NDUFAF2: variants seen among roughly 807,000 people sequenced by gnomAD.
NDUFAF2 encodes the protein NADH:ubiquinone oxidoreductase complex assembly factor 2.
Under a neutral mutation model 22.8 loss-of-function variants are expected in NDUFAF2, and 13 were observed. That is an observed-to-expected ratio of 0.57 (90% confidence interval 0.37 to 0.91). The LOEUF (loss-of-function observed/expected upper bound fraction) is 0.91. Among genes scored for constraint, NDUFAF2 ranks in the 40% least tolerant of loss-of-function variants. NDUFAF2 has a pLI of 0.01. For missense variants in NDUFAF2, 162 were observed against 195.2 expected, an observed-to-expected ratio of 0.83 and a Z score of 1.01; for synonymous variants, 53 against 64.2, an observed-to-expected ratio of 0.83 and a Z score of 0.84.
chr5:61,090,860 C>T (rs1168283490), intron 2 of NDUFAF2, among the ~76,000 whole-genome samples: 2 of 152,026 alleles, frequency 1.3e-5, no homozygotes, highest in African/African-American at 4.8e-5. Context: ...CTCCAATAGG[C>T]TTCAGTGTGT....
intron 2 of NDUFAF2, among the ~76,000 whole-genome samples, chr5:61,093,327 G>A (rs906363559): frequency 2.0e-5 from 3 of 152,112 alleles, no homozygotes; most frequent in Non-Finnish European, 4.4e-5. Context: ...CAATCACGCT[G>A]ACACTGAATA....
rs117091928 is a variant in NDUFAF2 at position 60,988,820 on chromosome 5, T to A, written c.127+43438T>A. Among the ~76,000 whole-genome samples, 3 of 152,108 alleles carry A rather than the reference T, an allele frequency of 2.0e-5. No individual in the cohort carries two copies. The East Asian group carries it at 5.8e-4, about 29-fold the overall frequency. On this transcript the variant is annotated intron_variant, in intron 1 of 3. Transcript: ENST00000296597. ...GTAAATGCAAAATCTAAAACTATAA[T>A]ACCCTGGAAGATGACCTAGGCAATA... is the stretch of plus-strand genomic sequence containing the variant.
At chr5:60,966,705 C>T (rs781571246) in intron 1 of NDUFAF2, among the ~76,000 whole-genome samples, 2 of 152,026 alleles carry the variant, frequency 1.3e-5, no homozygotes, top group Admixed American at 6.5e-5. Flanking sequence ...TATTCTGTCC[C>T]AGTGGTCTTT....
intron 1 of NDUFAF2, among the ~76,000 whole-genome samples, chr5:60,995,946 CTA>C (rs2112588115): frequency 6.6e-6 from 1 of 152,308 alleles, no homozygotes; most frequent in East Asian, 1.9e-4. Flanking sequence ...CAAGGAAGTA[CTA>C]CAAGACTACC....
At chr5:61,102,681 CATT>C (rs2111772300) in intron 3 of NDUFAF2, among the ~76,000 whole-genome samples, 1 of 152,036 alleles carries the variant, frequency 6.6e-6, no homozygotes, top group Non-Finnish European at 1.5e-5. Flanking sequence ...TTCTAATGCT[CATT>C]ATAAGAGAAC....
chr5:61,075,227 C>G (rs1042881555), intron 2 of NDUFAF2, among the ~76,000 whole-genome samples: 1 of 152,058 alleles, frequency 6.6e-6, no homozygotes, highest in African/African-American at 2.4e-5. Flanking sequence ...TAGCATGATA[C>G]CTTACATGTG....
chr5:60,957,866 T>C (rs1408367158), intron 1 of NDUFAF2, among the ~76,000 whole-genome samples: 1 of 152,172 alleles, frequency 6.6e-6, no homozygotes, highest in African/African-American at 2.4e-5. Flanking sequence ...GTTCTTTTGG[T>C]GTTTTCTTTT....
intron 1 of NDUFAF2, among the ~76,000 whole-genome samples, chr5:61,028,333 G>A (rs1751680171): frequency 6.6e-6 from 1 of 151,998 alleles, no homozygotes; most frequent in Non-Finnish European, 1.5e-5. Context: ...TTAGAAGTCT[G>A]AAATGATGCT....
chr5:61,099,580 A>G (rs1752681900), intron 3 of NDUFAF2, among the ~76,000 whole-genome samples: 1 of 151,568 alleles, frequency 6.6e-6, no homozygotes, highest in Admixed American at 6.6e-5. Context: ...TCAGTGATAA[A>G]CAATAAAAAA....
At chr5:61,067,344 G>T (rs932371089) in intron 1 of NDUFAF2, among the ~76,000 whole-genome samples, 1 of 140,676 alleles carries the variant, frequency 7.1e-6, no homozygotes, top group African/African-American at 2.7e-5. Flanking sequence ...AGTGTGTGGT[G>T]TTCCCCTTCC....
At chr5:61,028,598 T>C (rs953893299) in intron 1 of NDUFAF2, among the ~76,000 whole-genome samples, 4 of 152,136 alleles carry the variant, frequency 2.6e-5, no homozygotes, top group African/African-American at 9.6e-5. Flanking sequence ...CTTTGATTAA[T>C]GTATTGATGA....
intron 2 of NDUFAF2, among the ~76,000 whole-genome samples, chr5:61,084,869 G>A (rs562920250): frequency 6.6e-5 from 10 of 152,140 alleles, no homozygotes; most frequent in Non-Finnish European, 1.2e-4. Context: ...ACAAAAAGCA[G>A]AAGTTGTCAG....
At chr5:61,042,630 C>T (rs527855667) in intron 1 of NDUFAF2, among the ~76,000 whole-genome samples, 27 of 152,136 alleles carry the variant, frequency 1.8e-4, no homozygotes, top group Non-Finnish European at 3.1e-4. Flanking sequence ...TATTCTTGAA[C>T]CATGTGAATA....
intron 3 of NDUFAF2, among the ~76,000 whole-genome samples, chr5:61,106,683 C>A (rs1413330370): frequency 2.7e-5 from 4 of 150,842 alleles, no homozygotes; most frequent in East Asian, 1.9e-4. Flanking sequence ...CATTCCCACC[C>A]CCCCTAACAC....
At chr5:61,056,632 A>G (rs1434675869) in intron 1 of NDUFAF2, among the ~76,000 whole-genome samples, 1 of 151,988 alleles carries the variant, frequency 6.6e-6, no homozygotes. Context: ...CCACACCTGT[A>G]ATCCCAGCAC....
chr5:61,043,970 A>G (rs2111686397), intron 1 of NDUFAF2, among the ~76,000 whole-genome samples: 1 of 152,314 alleles, frequency 6.6e-6, no homozygotes, highest in South Asian at 2.1e-4. Flanking sequence ...CATTCCCACC[A>G]ACAGTGTGCA....
chr5:61,039,273 A>G (rs917584508), intron 1 of NDUFAF2, among the ~76,000 whole-genome samples: 2 of 152,036 alleles, frequency 1.3e-5, no homozygotes, highest in African/African-American at 4.8e-5. Flanking sequence ...AAGAGATGGG[A>G]AGAGACTATA....
intron 1 of NDUFAF2, among the ~76,000 whole-genome samples, chr5:61,072,056 T>C (rs1752306144): frequency 6.6e-6 from 1 of 152,234 alleles, no homozygotes; most frequent in African/African-American, 2.4e-5. Context: ...TTTACTGTTC[T>C]CTCTGTTTCA....
chr5:61,072,082 A>C (rs953167805), intron 1 of NDUFAF2, among the ~76,000 whole-genome samples: 2 of 152,176 alleles, frequency 1.3e-5, no homozygotes, highest in African/African-American at 4.8e-5. Flanking sequence ...CTGCATTGCT[A>C]CTATTCCACT....
Sources: gnomAD v4.1 joint callset for allele counts (sites outside exome capture counted in the v4.1 genomes callset) on GRCh38, gnomAD v4.1.1 for gene constraint, MANE v1.5 for transcripts, NCBI Gene and HGNC (gene_info 2026-07-23, HGNC 2026-07-21) for gene names.